USP42: variants seen among roughly 807,000 people sequenced by gnomAD.
USP42 encodes the protein ubiquitin carboxyl-terminal hydrolase 42.
A neutral mutation model predicts 113.0 loss-of-function variants in USP42; 23 were observed. The observed-to-expected ratio is 0.20, with a 90% CI of 0.15 to 0.29. USP42 has a LOEUF of 0.29. Ranked by LOEUF, USP42 falls within the 10% of genes least tolerant of loss-of-function variation. The probability of loss-of-function intolerance (pLI) is 1.00; values close to 1 mark genes in which losing one functional copy is unlikely to be tolerated. For missense variants in USP42, 2,174 were observed against 1,779.8 expected (o/e 1.22, Z -3.99); for synonymous variants, 933 against 699.0 (o/e 1.33, Z -5.28).
At position 6,154,421 on chromosome 7, in the gene USP42, G is replaced by C; in HGVS notation, c.2867G>C (p.Arg956Pro). The C allele has an allele frequency of 6.3e-7, 1 of 1,575,544 alleles. No homozygotes were observed. The highest frequency in any genetic ancestry group is 8.6e-7 in the Non-Finnish European group (1 of 1,162,338). The change falls in exon 15 of 18, where the codon CGG becomes CCG. Residue 956 changes from arginine (R) to proline (P), a missense_variant. Physicochemically the swap from Arg to Pro is moderately radical, Grantham distance 103. Transcript: ENST00000306177. ...GTGGACCGAGGCCACTACCGCAGCC[G>C]GAGAGAGCGCTCGTCCAGCGGGGAG... ...RKVDRGHYRSRRERSSSGEPA... is the reference protein window; with the variant it reads ...RKVDRGHYRSPRERSSSGEPA...
upstream of USP42, chr7:6,104,938 G>C (rs1362016542): frequency 6.7e-6 from 1 of 148,480 alleles, no homozygotes; most frequent in African/African-American, 2.5e-5. Context: ...GTGCCCGGAT[G>C]GAGGCACGTC....
the USP42 span, among the ~76,000 whole-genome samples, chr7:6,089,637 A>G: frequency 6.7e-6 from 1 of 148,528 alleles, no homozygotes; most frequent in Non-Finnish European, 1.5e-5. Flanking sequence ...GGTTCAAACA[A>G]TTCTCCTTCC....
upstream of USP42, among the ~76,000 whole-genome samples, chr7:6,100,262 G>A (rs1583552634): frequency 6.6e-6 from 1 of 150,746 alleles, no homozygotes; most frequent in African/African-American, 2.5e-5. Context: ...AGTCCCCCTA[G>A]ATGGGCGCCT....
the USP42 span, among the ~76,000 whole-genome samples, chr7:6,083,109 G>A: frequency 1.3e-5 from 2 of 148,936 alleles, 1 homozygote; most frequent in African/African-American, 5.1e-5. Flanking sequence ...ATTTTTAGTA[G>A]AGGTGGGGTT....
At chr7:6,095,426 T>C in the USP42 span, among the ~76,000 whole-genome samples, 2 of 150,984 alleles carry the variant, frequency 1.3e-5, no homozygotes, top group Non-Finnish European at 2.9e-5. Flanking sequence ...TCCCAGCACT[T>C]TGGCAGGTTG....
chr7:6,121,418 A>G (rs1780218983), intron 3 of USP42, among the ~76,000 whole-genome samples: 1 of 152,038 alleles, frequency 6.6e-6, no homozygotes, highest in Non-Finnish European at 1.5e-5. Flanking sequence ...ATTGTAAAAC[A>G]GTTTTGTCTT....
At position 6,161,229 on chromosome 7, in the gene USP42, C is replaced by G. The variant is rs1782762308; in HGVS notation, c.*711C>G. On this transcript the variant is annotated 3_prime_UTR_variant, in exon 18 of 18. Transcript: ENST00000306177. The stretch of plus-strand genomic sequence containing the variant: ...CACAACACTTTTTGATACAGCGTCT[C>G]TTGTCTTCACTGATACTGGAGTCTC... 1 of 152,610 alleles carries G rather than the reference C, an allele frequency of 6.6e-6. No homozygotes were observed. The highest frequency in any genetic ancestry group is 6.5e-5 in the Admixed American group (1 of 15,270). The allele number at this position is 152,610 out of a possible 1,614,324, so 9.5% of individuals were successfully genotyped here. A position where few individuals can be genotyped will look rare whatever the true frequency, so the allele number is the denominator to read the frequency against.
At position 6,157,505 on chromosome 7, in the gene USP42, C is replaced by T; in HGVS notation, c.3943+450C>T. 2 of 580,742 alleles carry T rather than the reference C, an allele frequency of 3.4e-6. No homozygotes were observed. The highest frequency in any genetic ancestry group is 4.3e-6 in the Non-Finnish European group (2 of 460,240). The allele number at this position is 580,742 out of a possible 1,614,324, so 36.0% of individuals were successfully genotyped here. The stretch of plus-strand genomic sequence containing the variant: ...CTCTGCCTCCCAGGTTCATGCTGTT[C>T]TCCTGCCTCAGCCTCCTGAGTAGCC... On this transcript the variant is annotated intron_variant, in intron 16 of 17. Transcript: ENST00000306177. This position sits in a 1 kb window ranked among gnomAD's most constrained non-coding sequence, Gnocchi z 4.1.
chr7:6,146,331 G>C, intron 11 of USP42, 83 bp downstream of exon 11: 1 of 775,706 alleles, frequency 1.3e-6, no homozygotes, highest in Non-Finnish European at 2.0e-6. Flanking sequence ...TCAATATTCA[G>C]TGTTTTAAAA....
At chr7:6,119,417 G>A (rs879493075) in intron 3 of USP42, among the ~76,000 whole-genome samples, 2 of 152,172 alleles carry the variant, frequency 1.3e-5, no homozygotes, top group Non-Finnish European at 2.9e-5. Flanking sequence ...ACTGCAGTGA[G>A]CCATTATTGT....
At chr7:6,103,427 T>G (rs1183229347), upstream of USP42, among the ~76,000 whole-genome samples, 2 of 149,928 alleles carry the variant, frequency 1.3e-5, no homozygotes, top group East Asian at 3.9e-4. Flanking sequence ...TCCCAGGTAC[T>G]TAGGAGGCTG....
At chr7:6,127,489 T>G (rs1211048817) in intron 3 of USP42, among the ~76,000 whole-genome samples, 1 of 152,196 alleles carries the variant, frequency 6.6e-6, no homozygotes, top group Non-Finnish European at 1.5e-5. Context: ...GAGCTGAGTT[T>G]TTTTGTCTGG....
the USP42 span, among the ~76,000 whole-genome samples, chr7:6,088,416 C>T: frequency 6.6e-6 from 1 of 150,914 alleles, no homozygotes; most frequent in Admixed American, 6.6e-5. Flanking sequence ...CCACCATGCC[C>T]AGCTAATTTT....
chr7:6,082,581 C>A, the USP42 span, among the ~76,000 whole-genome samples: 5 of 142,736 alleles, frequency 3.5e-5, no homozygotes, highest in African/African-American at 1.3e-4. Context: ...AAGGAGACTG[C>A]GTCTCTATTT....
chr7:6,101,924 C>CA (rs113530488), upstream of USP42, among the ~76,000 whole-genome samples: 40,034 of 134,142 alleles, frequency 0.3, 7,220 homozygotes, highest in African/African-American at 0.5. Flanking sequence ...ACTAAAACTA[C>CA]AAAAAAAAAA....
At chr7:6,088,351 G>A in the USP42 span, among the ~76,000 whole-genome samples, 1 of 150,884 alleles carries the variant, frequency 6.6e-6, no homozygotes, top group Non-Finnish European at 1.5e-5. Flanking sequence ...TGCCTCCCAG[G>A]TTCAAGAGAT....
chr7:6,120,915 G>C (rs1583600385), intron 3 of USP42, among the ~76,000 whole-genome samples: 1 of 152,004 alleles, frequency 6.6e-6, no homozygotes, highest in Admixed American at 6.6e-5. Context: ...TATTACAAAG[G>C]GTATTTTATT....
In USP42 at chr7:6,120,336, C is replaced by T. The variant is rs901100315; in HGVS notation, c.442+4813C>T. ...CCACTCACTGTAACCTCCACCTCTT[C>T]GGTTTAAGTGATTCTCCTGCCTCAG... On this transcript the variant is annotated intron_variant, in intron 3 of 17. Transcript: ENST00000306177. Among the ~76,000 whole-genome samples the T allele has an allele frequency of 4.6e-5, 7 of 152,156 alleles. No individual in the cohort carries two copies. The South Asian group carries it at 8.3e-4, about 18-fold the overall frequency.
chr7:6,098,901 C>T, the USP42 span, among the ~76,000 whole-genome samples: 1 of 149,976 alleles, frequency 6.7e-6, no homozygotes, highest in Non-Finnish European at 1.5e-5. Context: ...GCATAGTCTT[C>T]GGGTTGGTGG....
Sources: allele counts gnomAD v4.1 joint callset (sites outside exome capture counted in the v4.1 genomes callset), GRCh38; gene constraint gnomAD v4.1.1; non-coding constraint Gnocchi (gnomAD v3.1); transcripts MANE v1.5; gene names NCBI Gene and HGNC (gene_info 2026-07-23, HGNC 2026-07-21).